Variants in PCDH9 observed in about 807,000 individuals in gnomAD.
PCDH9 encodes the protein protocadherin-9.
In PCDH9, 24 loss-of-function variants were observed where a neutral mutation model predicts 70.6. The observed-to-expected ratio is 0.34, with a 90% CI of 0.25 to 0.48. PCDH9 has a LOEUF of 0.48. Ranked by LOEUF, PCDH9 falls within the 20% of genes least tolerant of loss-of-function variation. The pLI, the probability that PCDH9 is intolerant of heterozygous loss-of-function variation, is 0.99. For missense variants in PCDH9, 1,281 were observed against 1,503.6 expected, an observed-to-expected ratio of 0.85 and a Z score of 2.45; for synonymous variants, 562 against 558.5, an observed-to-expected ratio of 1.01 and a Z score of -0.09.
At chr13:66,880,199 T>C (rs887910586) in intron 3 of PCDH9, 4 of 152,228 alleles carry the variant, frequency 2.6e-5, no homozygotes, top group African/African-American at 9.6e-5. Context: ...AAAACACTGC[T>C]TGGATTCATA....
intron 4 of PCDH9, among the ~76,000 whole-genome samples, chr13:66,561,625 C>T (rs1395152627): frequency 2.0e-5 from 3 of 152,142 alleles, no homozygotes; most frequent in African/African-American, 4.8e-5. Flanking sequence ...TGTGAATGCA[C>T]CAATCCACAC....
chr13:66,685,813 C>T (rs1193652153), intron 3 of PCDH9, among the ~76,000 whole-genome samples: 1 of 152,182 alleles, frequency 6.6e-6, no homozygotes, highest in African/African-American at 2.4e-5. Context: ...AATGACTGCC[C>T]TATTGCATTT....
intron 2 of PCDH9, among the ~76,000 whole-genome samples, chr13:66,971,632 A>G (rs2083524516): frequency 6.6e-6 from 1 of 151,972 alleles, no homozygotes; most frequent in South Asian, 2.1e-4. Flanking sequence ...AAACTAATCT[A>G]TTCAATGACT....
At chr13:67,155,798 T>C (rs1232042914) in intron 2 of PCDH9, among the ~76,000 whole-genome samples, 2 of 152,216 alleles carry the variant, frequency 1.3e-5, no homozygotes, top group South Asian at 4.2e-4. Flanking sequence ...ATTATTATTA[T>C]AGTAAAAGCA....
chr13:66,360,388 A>G (rs1444125243), intron 4 of PCDH9, among the ~76,000 whole-genome samples: 1 of 152,072 alleles, frequency 6.6e-6, no homozygotes, highest in East Asian at 1.9e-4. Context: ...GTGTTTATTA[A>G]TCCTTAGCTG....
At chr13:66,521,174 CT>C (rs924689985) in intron 4 of PCDH9, among the ~76,000 whole-genome samples, 10 of 152,054 alleles carry the variant, frequency 6.6e-5, no homozygotes, top group South Asian at 2.1e-4. Context: ...GCATTTAAAT[CT>C]TTTTTTTCCC....
In PCDH9 at chr13:66,496,151, C is replaced by T. The variant is rs532885593; in HGVS notation, c.3340+135059G>A. Among the ~76,000 whole-genome samples the T allele has an allele frequency of 3.3e-5, 5 of 152,200 alleles. No homozygotes were observed. The East Asian group carries it at 9.7e-4, about 29-fold the overall frequency. On this transcript the variant is annotated intron_variant, in intron 4 of 4. Coordinates refer to ENST00000377865, the MANE Select transcript of PCDH9 (RefSeq NM_203487.3). ...TAGGGAAATTATTAACTTGGTTGACCCGTGCTGAACATGTTCAAAATATAA... is the reference window on the plus strand; with the variant it reads ...TAGGGAAATTATTAACTTGGTTGACTCGTGCTGAACATGTTCAAAATATAA...
At chr13:66,976,349 A>T (rs547046383) in intron 2 of PCDH9, among the ~76,000 whole-genome samples, 1 of 152,224 alleles carries the variant, frequency 6.6e-6, no homozygotes, top group Admixed American at 6.6e-5. Flanking sequence ...TCTAAAGAAC[A>T]CATAAACTGG....
At chr13:66,721,110 A>T (rs2078936146) in intron 3 of PCDH9, among the ~76,000 whole-genome samples, 1 of 152,184 alleles carries the variant, frequency 6.6e-6, no homozygotes. Flanking sequence ...TGCGCACAGG[A>T]GTTTCAAGTG....
intron 4 of PCDH9, among the ~76,000 whole-genome samples, chr13:66,384,735 G>C (rs995962782): frequency 6.6e-6 from 1 of 152,112 alleles, no homozygotes; most frequent in Non-Finnish European, 1.5e-5. Flanking sequence ...CACAATCTTG[G>C]CTCAATACAA....
chr13:66,610,971 T>C (rs2077287406), intron 4 of PCDH9, among the ~76,000 whole-genome samples: 1 of 152,190 alleles, frequency 6.6e-6, no homozygotes, highest in Admixed American at 6.5e-5. Context: ...ACTCCCTTTC[T>C]TGACTGAAGC....
At chr13:66,396,154 A>C (rs76410182) in intron 4 of PCDH9, among the ~76,000 whole-genome samples, 2,221 of 152,286 alleles carry the variant, frequency 0.015, 63 homozygotes, top group African/African-American at 0.05. Flanking sequence ...GTTAAGAATC[A>C]GAATTATCCT....
At chr13:66,622,863 T>G (rs150699269) in intron 4 of PCDH9, among the ~76,000 whole-genome samples, 1 of 130,242 alleles carries the variant, frequency 7.7e-6, no homozygotes, top group Non-Finnish European at 1.7e-5. Flanking sequence ...TGCTCACTCT[T>G]TGTGTCCACA....
chr13:66,727,358 G>A (rs1204160107), intron 3 of PCDH9, among the ~76,000 whole-genome samples: 1 of 152,084 alleles, frequency 6.6e-6, no homozygotes, highest in East Asian at 1.9e-4. Flanking sequence ...TAAGAGGAGA[G>A]TTCATGTTTT....
intron 2 of PCDH9, among the ~76,000 whole-genome samples, chr13:66,976,547 T>C (rs1187807250): frequency 2.0e-5 from 3 of 152,108 alleles, no homozygotes; most frequent in African/African-American, 7.2e-5. Context: ...ATAAGACACA[T>C]GTCTTATTAC....
intron 4 of PCDH9, among the ~76,000 whole-genome samples, chr13:66,472,398 C>T (rs1958638491): frequency 6.6e-6 from 1 of 151,714 alleles, no homozygotes; most frequent in Admixed American, 6.6e-5. Context: ...GGCAAAACCT[C>T]ATCTCTACAA....
rs1381209859 is a variant in PCDH9 at position 67,226,665 on chromosome 13, C to T, written c.1776G>A (p.Gly592=). Reference sequence around the variant, plus strand: ...CATCTGCATCTGTCACTGTGATTACCCCCACAGTACTATACTTTGGCAGAT... The same window carrying T: ...CATCTGCATCTGTCACTGTGATTACTCCCACAGTACTATACTTTGGCAGAT... ...SENLPKYSTV[G]VITVTDADAG... Residue 592 remains glycine, a synonymous_variant, in exon 2 of 5, where the codon GGG becomes GGA. Transcript: ENST00000377865. This position sits in a 1 kb window ranked among gnomAD's most constrained non-coding sequence, Gnocchi z 5.0. The T allele has an allele frequency of 1.9e-6, 3 of 1,612,134 alleles. No individual in the cohort carries two copies. The highest frequency in any genetic ancestry group is 1.7e-5 in the Admixed American group (1 of 60,004).
At chr13:67,171,360 C>T (rs2088279888) in intron 2 of PCDH9, among the ~76,000 whole-genome samples, 1 of 152,108 alleles carries the variant, frequency 6.6e-6, no homozygotes, top group Non-Finnish European at 1.5e-5. Flanking sequence ...GAGGTCTAAC[C>T]TCATTAACAG....
intron 2 of PCDH9, among the ~76,000 whole-genome samples, chr13:67,193,197 G>A (rs17082262): frequency 0.012 from 1,869 of 152,160 alleles, 40 homozygotes; most frequent in African/African-American, 0.042. Flanking sequence ...TCAGCCTAGT[G>A]AAATAAAGAT....
Sources: gnomAD v4.1 joint callset for allele counts (sites outside exome capture counted in the v4.1 genomes callset) on GRCh38, gnomAD v4.1.1 for gene constraint, Gnocchi (gnomAD v3.1) non-coding constraint, MANE v1.5 for transcripts, NCBI Gene and HGNC (gene_info 2026-07-23, HGNC 2026-07-21) for gene names.